Variants in GRID2 observed in about 807,000 individuals in gnomAD.
GRID2 encodes glutamate ionotropic receptor delta type subunit 2.
A neutral mutation model predicts 114.8 loss-of-function variants in GRID2; 33 were observed. The observed-to-expected ratio is 0.29, with a 90% CI of 0.22 to 0.38. The LOEUF is 0.38. Ranked by LOEUF, GRID2 falls within the 10% of genes least tolerant of loss-of-function variation. The pLI is 1.00. For synonymous variants in GRID2, 505 were observed against 449.9 expected, an observed-to-expected ratio of 1.12 and a Z score of -1.55; for missense variants, 1,184 against 1,257.7, an observed-to-expected ratio of 0.94 and a Z score of 0.89.
chr4:93,742,022 T>A (rs1249120795), intron 14 of GRID2, among the ~76,000 whole-genome samples: 1 of 150,772 alleles, frequency 6.6e-6, no homozygotes, highest in Admixed American at 6.6e-5. Context: ...ATCTAGGAAA[T>A]AGGTTTGGGA....
intron 2 of GRID2, among the ~76,000 whole-genome samples, chr4:92,866,606 C>G (rs1164048462): frequency 1.3e-5 from 2 of 151,726 alleles, no homozygotes; most frequent in African/African-American, 2.4e-5. Flanking sequence ...TGCAGTGGCA[C>G]GATCTCAGCT....
At chr4:93,471,839 T>C (rs2149435560) in intron 11 of GRID2, among the ~76,000 whole-genome samples, 1 of 149,544 alleles carries the variant, frequency 6.7e-6, no homozygotes, top group African/African-American at 2.5e-5. Flanking sequence ...TAGCTGGGAT[T>C]ACAGGCACAC....
intron 2 of GRID2, among the ~76,000 whole-genome samples, chr4:92,604,932 T>C (rs893979294): frequency 1.3e-5 from 2 of 151,996 alleles, no homozygotes; most frequent in Admixed American, 6.6e-5. Context: ...AATTGAATCA[T>C]GCGGGCAGTT....
At chr4:93,426,331 C>T (rs1768848174) in intron 10 of GRID2, among the ~76,000 whole-genome samples, 1 of 152,056 alleles carries the variant, frequency 6.6e-6, no homozygotes, top group Non-Finnish European at 1.5e-5. Flanking sequence ...AGTGTTCCAC[C>T]TTTATCTTTC....
At chr4:92,434,171 A>C (rs533745955) in intron 1 of GRID2, among the ~76,000 whole-genome samples, 1 of 152,322 alleles carries the variant, frequency 6.6e-6, no homozygotes. Context: ...TGTGTGACAT[A>C]ATACAATTAT....
intron 4 of GRID2, among the ~76,000 whole-genome samples, chr4:93,165,215 G>T (rs1012428755): frequency 6.6e-6 from 1 of 151,988 alleles, no homozygotes; most frequent in East Asian, 1.9e-4. Context: ...CTCAGACTTG[G>T]CAACTTACAA....
intron 10 of GRID2, among the ~76,000 whole-genome samples, chr4:93,454,461 G>A (rs1301696865): frequency 1.3e-5 from 2 of 151,936 alleles, no homozygotes; most frequent in Non-Finnish European, 1.5e-5. Context: ...AAATGGAGAG[G>A]AAAACACATA....
At chr4:92,348,618 GGGGTGTAGAAA>G (rs1727902287) in intron 1 of GRID2, among the ~76,000 whole-genome samples, 2 of 152,104 alleles carry the variant, frequency 1.3e-5, no homozygotes, top group South Asian at 4.1e-4. Flanking sequence ...GAAAGAAATA[GGGGTGTAGAAA>G]TACAAGGTAT....
chr4:92,501,513 A>G (rs988583121), intron 1 of GRID2, among the ~76,000 whole-genome samples: 8 of 152,138 alleles, frequency 5.3e-5, no homozygotes, highest in East Asian at 1.9e-4. Context: ...GTCTTCTCCA[A>G]GAGAAATGCT....
intron 4 of GRID2, among the ~76,000 whole-genome samples, chr4:93,127,354 T>C (rs754068015): frequency 6.6e-6 from 1 of 152,082 alleles, no homozygotes; most frequent in Admixed American, 6.6e-5. Context: ...GTGTGCTAGA[T>C]TGCCTTTTGA....
intron 2 of GRID2, among the ~76,000 whole-genome samples, chr4:92,652,767 G>A (rs1338023419): frequency 7.2e-6 from 1 of 139,218 alleles, no homozygotes; most frequent in African/African-American, 2.7e-5. Context: ...CACAAGATCA[G>A]GAGTTCAAGA....
chr4:92,614,324 C>T (rs1729899500), intron 2 of GRID2, among the ~76,000 whole-genome samples: 1 of 151,470 alleles, frequency 6.6e-6, no homozygotes, highest in Admixed American at 6.6e-5. Flanking sequence ...AGGTTATTGA[C>T]TTAGGATATT....
At chr4:92,708,251 A>T (rs752765549) in intron 2 of GRID2, among the ~76,000 whole-genome samples, 24 of 152,216 alleles carry the variant, frequency 1.6e-4, no homozygotes, top group Admixed American at 1.6e-3. Context: ...AATATCCAGC[A>T]AGTCAGAATA....
chr4:92,424,829 T>C (rs1335196557), intron 1 of GRID2, among the ~76,000 whole-genome samples: 2 of 151,714 alleles, frequency 1.3e-5, no homozygotes, highest in Non-Finnish European at 2.9e-5. Flanking sequence ...AAAATACTAC[T>C]TTTTATACTC....
chr4:93,042,493 C>T (rs1325145761), intron 2 of GRID2, among the ~76,000 whole-genome samples: 1 of 147,872 alleles, frequency 6.8e-6, no homozygotes, highest in East Asian at 2.0e-4. Context: ...TAAGGAGGAA[C>T]CAGGAAGTGA....
chr4:93,250,639 CATAT>C (rs33931982), intron 8 of GRID2, among the ~76,000 whole-genome samples: 2,421 of 143,250 alleles, frequency 0.017, 66 homozygotes, highest in African/African-American at 0.058. Flanking sequence ...GAAATCATTA[CATAT>C]ATATATATAT....
intron 9 of GRID2, among the ~76,000 whole-genome samples, chr4:93,403,155 A>G (rs555163600): frequency 6.6e-6 from 1 of 152,182 alleles, no homozygotes; most frequent in Non-Finnish European, 1.5e-5. Flanking sequence ...TTAATAAATA[A>G]TAAAGTTTGG....
At chr4:92,404,458 A>G (rs1191815681) in intron 1 of GRID2, among the ~76,000 whole-genome samples, 1 of 152,222 alleles carries the variant, frequency 6.6e-6, no homozygotes, top group African/African-American at 2.4e-5. Context: ...TAGTTCAACC[A>G]TTGTGGAAGA....
intron 2 of GRID2, among the ~76,000 whole-genome samples, chr4:92,923,295 G>A (rs1163340530): frequency 1.3e-5 from 2 of 152,098 alleles, no homozygotes; most frequent in Non-Finnish European, 2.9e-5. Context: ...TGTTTATGCT[G>A]ATAATTGAAT....
Sources: gnomAD v4.1 joint callset for allele counts (sites outside exome capture counted in the v4.1 genomes callset) on GRCh38, gnomAD v4.1.1 for gene constraint, MANE v1.5 for transcripts, NCBI Gene and HGNC (gene_info 2026-07-23, HGNC 2026-07-21) for gene names.